The following TRDN variants were observed in gnomAD, a reference collection of about 807,000 sequenced individuals.
TRDN encodes the protein triadin.
Under a neutral mutation model 149.7 loss-of-function variants are expected in TRDN, and 161 were observed. That is an observed-to-expected ratio of 1.08 (90% CI 0.95 to 1.23). TRDN has a LOEUF of 1.23. TRDN is among the 50% of genes most tolerant of loss of function. The probability of loss-of-function intolerance (pLI) is 0.00; values close to 1 mark genes in which losing one functional copy is unlikely to be tolerated. For missense variants in TRDN, 896 were observed against 823.5 expected (o/e 1.09, Z -1.08); for synonymous variants, 294 against 250.5 (o/e 1.17, Z -1.64).
chr6:123,402,170 A>G (rs1162292754), intron 12 of TRDN, among the ~76,000 whole-genome samples: 1 of 152,180 alleles, frequency 6.6e-6, no homozygotes, highest in Admixed American at 6.5e-5. Context: ...GTTCCTACAT[A>G]ATGAACTGCA....
intron 38 of TRDN, among the ~76,000 whole-genome samples, chr6:123,236,771 G>T (rs531899184): frequency 2.6e-5 from 4 of 152,126 alleles, no homozygotes; most frequent in Admixed American, 2.6e-4. Flanking sequence ...CTATTTCTTG[G>T]ATTTTTAACA....
At chr6:123,547,691 T>C (rs1781183778) in intron 3 of TRDN, among the ~76,000 whole-genome samples, 1 of 152,010 alleles carries the variant, frequency 6.6e-6, no homozygotes, top group Admixed American at 6.6e-5. Flanking sequence ...ACAAATATAA[T>C]TTCAGGAAAA....
Position 123,455,406 on chromosome 6 carries a change from C to CTGTGTGTG in TRDN, c.931+9492_931+9499dup, listed in dbSNP as rs71751722. ...TAGAGTGAAACAAAAAAGGCAACCA[C>CTGTGTGTG]TGTGTGTGTGTGTGTGTGTGTGTGT... is the stretch of plus-strand genomic sequence containing the variant. On this transcript the variant is annotated intron_variant, in intron 10 of 40. Coordinates refer to ENST00000334268, the MANE Select transcript of TRDN (RefSeq NM_006073.4). 7.7e-4 allele frequency among the ~76,000 whole-genome samples: 112 copies of CTGTGTGTG among 145,738 alleles called. 2 individuals carry two copies. Among genetic ancestry groups the CTGTGTGTG allele is most frequent in the South Asian group, 3.4e-3 (15 of 4,440 alleles).
At chr6:123,506,829 C>T (rs184677024) in intron 7 of TRDN, among the ~76,000 whole-genome samples, 1 of 152,262 alleles carries the variant, frequency 6.6e-6, no homozygotes, top group Admixed American at 6.5e-5. Context: ...AATGTCTTCC[C>T]ATGAGCTTCC....
At chr6:123,377,661 A>G (rs1340550831) in intron 18 of TRDN, 55 bp downstream of exon 18, 17 of 1,605,390 alleles carry the variant, frequency 1.1e-5, no homozygotes, top group Non-Finnish European at 1.4e-5. Context: ...AGGCTACAGC[A>G]TTAATAAACA....
chr6:123,495,932 G>A (rs1311618798), intron 9 of TRDN, among the ~76,000 whole-genome samples: 3 of 151,474 alleles, frequency 2.0e-5, no homozygotes, highest in African/African-American at 7.3e-5. Context: ...AATTATCACT[G>A]TATTTCTGTC....
chr6:123,252,568 G>A, intron 37 of TRDN, 133 bp from the exon 38 acceptor site: 1 of 482,872 alleles, frequency 2.1e-6, no homozygotes, highest in Non-Finnish European at 3.7e-6. Context: ...AAGAAATACA[G>A]TCATCTGTTG....
At chr6:123,428,066 G>T (rs781084459) in intron 12 of TRDN, among the ~76,000 whole-genome samples, 1 of 152,116 alleles carries the variant, frequency 6.6e-6, no homozygotes, top group Non-Finnish European at 1.5e-5. Context: ...ACTTCTTGAA[G>T]AGAGTACTTA....
intron 12 of TRDN, among the ~76,000 whole-genome samples, chr6:123,420,201 T>A (rs984064210): frequency 6.6e-6 from 1 of 152,188 alleles, no homozygotes; most frequent in Non-Finnish European, 1.5e-5. Context: ...ATTTTTGCTA[T>A]TTTTGGATAG....
chr6:123,619,112 G>T (rs902002539), intron 1 of TRDN, among the ~76,000 whole-genome samples: 1 of 152,150 alleles, frequency 6.6e-6, no homozygotes, highest in Non-Finnish European at 1.5e-5. Flanking sequence ...TAGTGTGCAA[G>T]ATTGCAAGAT....
chr6:123,519,258 G>T (rs1470926588), intron 5 of TRDN, among the ~76,000 whole-genome samples: 1 of 152,120 alleles, frequency 6.6e-6, no homozygotes, highest in Non-Finnish European at 1.5e-5. Flanking sequence ...GTTGGCATGG[G>T]CCTGCTGTTC....
intron 2 of TRDN, among the ~76,000 whole-genome samples, chr6:123,558,877 G>C (rs1225651515): frequency 2.6e-5 from 4 of 152,228 alleles, no homozygotes; most frequent in Non-Finnish European, 5.9e-5. Context: ...AGCTGCCAGG[G>C]ATTCCTCCAG....
intron 5 of TRDN, among the ~76,000 whole-genome samples, chr6:123,520,041 C>T (rs1347022683): frequency 6.6e-6 from 1 of 152,000 alleles, no homozygotes; most frequent in East Asian, 1.9e-4. Context: ...TTTCAGCCAC[C>T]ATTAAACAAT....
chr6:123,542,388 T>C (rs1780881008), intron 4 of TRDN, among the ~76,000 whole-genome samples: 1 of 152,216 alleles, frequency 6.6e-6, no homozygotes, highest in Non-Finnish European at 1.5e-5. Context: ...TAAAGATCAG[T>C]TTCTCCTGTC....
At chr6:123,402,165 T>C (rs1773006730) in intron 12 of TRDN, among the ~76,000 whole-genome samples, 2 of 152,206 alleles carry the variant, frequency 1.3e-5, no homozygotes, top group Admixed American at 6.5e-5. Flanking sequence ...TGTGAGTTCC[T>C]ACATAATGAA....
rs749849851 is a variant in TRDN, at chr6:123,221,527, T to C, written c.2015-5A>G. 3 of 1,560,214 alleles carry C rather than the reference T, an allele frequency of 1.9e-6. No homozygotes were observed. The highest frequency in any genetic ancestry group is 2.6e-6 in the Non-Finnish European group (3 of 1,139,394). On this transcript the variant is annotated splice_region_variant and splice_polypyrimidine_tract_variant and intron_variant, in intron 39 of 40. Transcript: ENST00000334268. ...GAGACACATCTTCAGTTCCTTCTAG[T>C]GGATAAAAAATATAAAAGTAAATAA... is the stretch of plus-strand genomic sequence containing the variant.
At position 123,274,665 on chromosome 6, in the gene TRDN, G is replaced by T; in HGVS notation, c.1573C>A (p.Gln525Lys). The T allele has an allele frequency of 6.2e-7, 1 of 1,607,236 alleles. No individual in the cohort carries two copies. Among genetic ancestry groups the T allele is most frequent in the East Asian group, 2.2e-5 (1 of 44,590 alleles). Reference protein sequence around the residue: ...QGKKEEKPEPQIKKEAKPAIS... With the variant: ...QGKKEEKPEPKIKKEAKPAIS... Reference sequence around the variant, plus strand: ...CCTGGTTTTGCTTCTTTTTTAATTTGGGGCTCTGAGGGAGAGAAAAGGCAG... The same window carrying T: ...CCTGGTTTTGCTTCTTTTTTAATTTTGGGCTCTGAGGGAGAGAAAAGGCAG... Residue 525 changes from glutamine to lysine, a missense_variant, in exon 27 of 41, where the codon CAA (glutamine) becomes AAA (lysine). Gln to Lys is a moderately conservative substitution (Grantham distance 53). Transcript: ENST00000334268.
At chr6:123,563,680 A>G (rs1284944628) in intron 2 of TRDN, among the ~76,000 whole-genome samples, 1 of 152,246 alleles carries the variant, frequency 6.6e-6, no homozygotes, top group Non-Finnish European at 1.5e-5. Flanking sequence ...TCACCATATT[A>G]TAAATTTAAC....
Position 123,497,253 on chromosome 6 carries a change from C to G in TRDN, c.794-1G>C. On this transcript the variant is annotated splice_acceptor_variant, in intron 8 of 40. Transcript: ENST00000334268. LOFTEE classifies it high-confidence loss of function. Reference sequence around the variant, plus strand: ...ATATATCGACAGAATGCATACTGATCTGACAGAGTAGAAAGAAAAAGAGCA... The same window carrying G: ...ATATATCGACAGAATGCATACTGATGTGACAGAGTAGAAAGAAAAAGAGCA... 6.6e-7 allele frequency: 1 copy of G among 1,525,004 alleles called. No individual in the cohort carries two copies. The highest frequency in any genetic ancestry group is 8.8e-7 in the Non-Finnish European group (1 of 1,139,664). 94.5% of individuals were successfully genotyped at this position (1,525,004 alleles called of 1,614,324 possible). A position where few individuals can be genotyped will look rare whatever the true frequency, so the allele number is the denominator to read the frequency against.
Sources: gnomAD v4.1 joint callset for allele counts (sites outside exome capture counted in the v4.1 genomes callset) on GRCh38, gnomAD v4.1.1 for gene constraint, MANE v1.5 for transcripts, NCBI Gene and HGNC (gene_info 2026-07-23, HGNC 2026-07-21) for gene names.